Variants in ABI3BP observed in about 807,000 individuals in gnomAD.
The protein encoded by ABI3BP is target of Nesh-SH3.
A neutral mutation model predicts 268.6 loss-of-function variants in ABI3BP; 216 were observed. The ratio of observed to expected loss-of-function variants is 0.80; its 90% CI spans 0.72 to 0.90. The LOEUF (loss-of-function observed/expected upper bound fraction) is 0.90. Among genes scored for constraint, ABI3BP ranks in the 40% least tolerant of loss-of-function variants. The probability of loss-of-function intolerance (pLI) is 0.00; values close to 1 mark genes in which losing one functional copy is unlikely to be tolerated. For synonymous variants in ABI3BP, 730 were observed against 730.0 expected (o/e 1.00, Z 0.00); for missense variants, 2,090 against 2,182.4 (o/e 0.96, Z 0.84).
rs767163093 is a variant in ABI3BP at position 100,850,117 on chromosome 3, G to A, written c.1429C>T (p.Pro477Ser). ...TLEQPRATLA[P>S]SETPFVPQKL... Reference sequence around the variant, plus strand: ...TGAGGAACAAATGGTGTTTCACTTGGAGCTGAAAGCACAAACACCCCAACC... The same window carrying A: ...TGAGGAACAAATGGTGTTTCACTTGAAGCTGAAAGCACAAACACCCCAACC... The change falls in exon 17 of 68, where the codon CCA becomes TCA. Residue 477 changes from proline to serine, a missense_variant and splice_region_variant. Pro to Ser is a moderately conservative substitution (Grantham distance 74). Transcript: ENST00000471714. 1.2e-6 allele frequency: 2 copies of A among 1,606,042 alleles called. No homozygotes were observed. Among genetic ancestry groups the A allele is most frequent in the African/African-American group, 1.3e-5 (1 of 74,936 alleles).
At chr3:100,832,390 C>T (rs1043725619) in intron 30 of ABI3BP, 40 bp from the exon 31 acceptor site, 67 of 1,500,958 alleles carry the variant, frequency 4.5e-5, no homozygotes, top group Admixed American at 5.9e-5. Flanking sequence ...GTGCTGATGG[C>T]TCCATTCACT....
intron 1 of ABI3BP, among the ~76,000 whole-genome samples, chr3:100,987,746 T>C (rs867281490): frequency 6.6e-6 from 1 of 152,230 alleles, no homozygotes; most frequent in Non-Finnish European, 1.5e-5. Flanking sequence ...GTTCTTCATC[T>C]GTGAAATGGA....
At chr3:100,942,735 G>C (rs1273553354) in intron 1 of ABI3BP, among the ~76,000 whole-genome samples, 1 of 152,102 alleles carries the variant, frequency 6.6e-6, no homozygotes, top group African/African-American at 2.4e-5. Context: ...GAACTTGTGA[G>C]ACCCCATCCC....
At position 100,752,936 on chromosome 3, in the gene ABI3BP, G is replaced by C. The variant is rs1406122015; in HGVS notation, c.4973C>G (p.Ala1658Gly). 1 of 1,610,586 alleles carries C rather than the reference G, an allele frequency of 6.2e-7. No homozygotes were observed. Among genetic ancestry groups the C allele is most frequent in the South Asian group, 1.1e-5 (1 of 90,718 alleles). ...ATTAAAGGGTCTTTCAGTCCAGATG[G>C]CATCTCTTCCTGCTACAAAAGGAAA... The part of the protein sequence containing the change: ...VSEPVSAGRD[A>G]IWTERPFNSD... Residue 1658 changes from alanine (A) to glycine (G), a missense_variant, in exon 66 of 68, where the codon GCC becomes GGC. Coordinates refer to ENST00000471714, the MANE Select transcript of ABI3BP (RefSeq NM_001375547.2).
intron 33 of ABI3BP, among the ~76,000 whole-genome samples, chr3:100,829,246 A>G (rs533824407): frequency 2.0e-5 from 3 of 152,042 alleles, no homozygotes; most frequent in East Asian, 1.9e-4. Context: ...ATGTTTGCCA[A>G]CTCCTGCCTT....
At chr3:100,929,883 T>G (rs558485755) in intron 1 of ABI3BP, among the ~76,000 whole-genome samples, 14 of 152,124 alleles carry the variant, frequency 9.2e-5, no homozygotes, top group Admixed American at 2.0e-4. Context: ...AGCAAGTTTT[T>G]TTTTCCTTCA....
At chr3:100,787,501 A>G (rs2097087515) in intron 57 of ABI3BP, among the ~76,000 whole-genome samples, 1 of 152,172 alleles carries the variant, frequency 6.6e-6, no homozygotes, top group African/African-American at 2.4e-5. Flanking sequence ...AAGATTATAT[A>G]TAGTAACTAG....
chr3:100,788,143 C>T (rs2097104453), intron 56 of ABI3BP, among the ~76,000 whole-genome samples: 1 of 152,106 alleles, frequency 6.6e-6, no homozygotes, highest in African/African-American at 2.4e-5. Context: ...ATCAGGACTA[C>T]ATATGTCTAA....
chr3:100,781,711 G>A (rs1246329098), intron 57 of ABI3BP, among the ~76,000 whole-genome samples: 1 of 152,156 alleles, frequency 6.6e-6, no homozygotes, highest in Non-Finnish European at 1.5e-5. Context: ...AAGGCTAGTA[G>A]GCTGTCTTGA....
chr3:100,792,021 G>C (rs565740542), intron 55 of ABI3BP, among the ~76,000 whole-genome samples: 1 of 151,736 alleles, frequency 6.6e-6, no homozygotes, highest in Admixed American at 6.6e-5. Flanking sequence ...ATGGGCAAAA[G>C]GGGTATTAGC....
intron 1 of ABI3BP, among the ~76,000 whole-genome samples, chr3:100,942,001 G>A (rs1238231507): frequency 6.6e-6 from 1 of 152,058 alleles, no homozygotes; most frequent in African/African-American, 2.4e-5. Context: ...TGCTGTAAAG[G>A]AAGTGGGACA....
At chr3:100,823,676 T>A (rs1192536559) in intron 36 of ABI3BP, among the ~76,000 whole-genome samples, 162 bp from the exon 37 acceptor site, 3 of 152,198 alleles carry the variant, frequency 2.0e-5, no homozygotes, top group Non-Finnish European at 2.9e-5. Flanking sequence ...TCATTGATGA[T>A]TTGGCCAAAC....
chr3:100,881,319 C>T (rs1022093836), intron 6 of ABI3BP, among the ~76,000 whole-genome samples: 1 of 152,100 alleles, frequency 6.6e-6, no homozygotes, highest in Non-Finnish European at 1.5e-5. Flanking sequence ...ATAATTGTTA[C>T]ATTTTAACAA....
intron 18 of ABI3BP, among the ~76,000 whole-genome samples, 186 bp downstream of exon 18, chr3:100,848,615 C>CG (rs914780920): frequency 1.3e-5 from 2 of 151,974 alleles, no homozygotes; most frequent in Admixed American, 6.5e-5. Flanking sequence ...TTTGCAGAGA[C>CG]GGGGTCTCAC....
chr3:100,975,006 T>G (rs1313861404), intron 1 of ABI3BP, among the ~76,000 whole-genome samples: 1 of 152,158 alleles, frequency 6.6e-6, no homozygotes, highest in Non-Finnish European at 1.5e-5. Flanking sequence ...CAAAAAAGCT[T>G]GATAAGAAGC....
rs201321644 is a variant in ABI3BP, at chr3:100,846,403, A to T, written c.1692T>A (p.Pro564=). Residue 564 remains proline, a synonymous_variant, in exon 20 of 68, where the codon CCT becomes CCA. Transcript: ENST00000471714. ...TQFISLKPKI[P]LSPEVTHTKP... ...TGGTGTGTGTCACTTCTGGGCTGAGAGGGATTTTAGGTTTCAGAGAAATAA... is the reference window on the plus strand; with the variant it reads ...TGGTGTGTGTCACTTCTGGGCTGAGTGGGATTTTAGGTTTCAGAGAAATAA... The T allele has an allele frequency of 2.5e-6, 4 of 1,603,014 alleles. No individual in the cohort carries two copies. In the East Asian group the frequency reaches 9.0e-5, roughly 36 times the overall value.
In ABI3BP at chr3:100,943,819, C is replaced by G. The variant is rs537116675; in HGVS notation, c.80-17338G>C. On this transcript the variant is annotated intron_variant, in intron 1 of 67. Transcript: ENST00000471714. Reference sequence around the variant, plus strand: ...TTCCAGTTGTCTTCATAATCAGCCTCTTTTGATTGTACTATTTTTAAAATG... The same window carrying G: ...TTCCAGTTGTCTTCATAATCAGCCTGTTTTGATTGTACTATTTTTAAAATG... Among the ~76,000 whole-genome samples the G allele has an allele frequency of 2.1e-4, 32 of 152,108 alleles. No homozygotes were observed. The South Asian group carries it at 3.1e-3, about 15-fold the overall frequency.
intron 44 of ABI3BP, among the ~76,000 whole-genome samples, chr3:100,814,046 T>TA (rs2097936518): frequency 6.6e-6 from 1 of 152,106 alleles, no homozygotes; most frequent in Non-Finnish European, 1.5e-5. Flanking sequence ...TAGAATGAAC[T>TA]AAAATTGTTC....
At chr3:100,813,089 A>G (rs983446887) in intron 45 of ABI3BP, among the ~76,000 whole-genome samples, 1 of 152,064 alleles carries the variant, frequency 6.6e-6, no homozygotes, top group Admixed American at 6.6e-5. Context: ...CCATGTTGCC[A>G]AGGCTGGTCA....
Sources: gnomAD v4.1 joint callset for allele counts (sites outside exome capture counted in the v4.1 genomes callset) on GRCh38, gnomAD v4.1.1 for gene constraint, MANE v1.5 for transcripts, NCBI Gene and HGNC (gene_info 2026-07-23, HGNC 2026-07-21) for gene names.